Variants in PDK1 observed in about 807,000 individuals in gnomAD.
The protein encoded by PDK1 is [Pyruvate dehydrogenase (acetyl-transferring)] kinase isozyme 1, mitochondrial.
In PDK1, 39 loss-of-function variants were observed where a neutral mutation model predicts 54.2. That is an observed-to-expected ratio of 0.72 (90% confidence interval 0.56 to 0.94). The LOEUF (loss-of-function observed/expected upper bound fraction) is 0.94, where lower values mean the gene tolerates loss of function less well. Among genes scored for constraint, PDK1 ranks in the 40% least tolerant of loss-of-function variants. The probability of loss-of-function intolerance (pLI) is 0.00; values close to 1 mark genes in which losing one functional copy is unlikely to be tolerated. For synonymous variants in PDK1, 221 were observed against 207.1 expected, an observed-to-expected ratio of 1.07 and a Z score of -0.58; for missense variants, 552 against 566.0, an observed-to-expected ratio of 0.98 and a Z score of 0.25.
the PDK1 span, among the ~76,000 whole-genome samples, chr2:172,659,344 C>T: frequency 2.6e-5 from 4 of 152,190 alleles, no homozygotes; most frequent in Non-Finnish European, 5.9e-5. Context: ...TACCCTAGCC[C>T]AAGGCCCTTT....
intron 8 of PDK1, among the ~76,000 whole-genome samples, chr2:172,571,468 A>G (rs180918418): frequency 1.1e-4 from 16 of 152,282 alleles, no homozygotes; most frequent in East Asian, 5.8e-4. Flanking sequence ...GGCTCAAGCA[A>G]TCCTCCTCCC....
chr2:172,665,644 T>C, the PDK1 span, among the ~76,000 whole-genome samples: 1 of 152,206 alleles, frequency 6.6e-6, no homozygotes, highest in Non-Finnish European at 1.5e-5. Context: ...GCAATTTGCC[T>C]ACCAGATTCC....
At chr2:172,691,196 C>T in the PDK1 span, 1 of 150,036 alleles carries the variant, frequency 6.7e-6, no homozygotes, top group African/African-American at 2.4e-5. Flanking sequence ...CTTTCTGCCC[C>T]CATATATGCA....
At chr2:172,610,179 T>A (rs1468022261), downstream of PDK1, among the ~76,000 whole-genome samples, 2 of 152,102 alleles carry the variant, frequency 1.3e-5, no homozygotes, top group South Asian at 4.1e-4. Flanking sequence ...ATCTAGTATA[T>A]CCTTTGCTGT....
At chr2:172,646,453 A>G in the PDK1 span, among the ~76,000 whole-genome samples, 1 of 152,108 alleles carries the variant, frequency 6.6e-6, no homozygotes, top group African/African-American at 2.4e-5. Context: ...GATGATACTC[A>G]AGAAAAGGAG....
the PDK1 span, among the ~76,000 whole-genome samples, chr2:172,687,470 G>C: frequency 1.3e-5 from 2 of 152,218 alleles, no homozygotes; most frequent in South Asian, 4.1e-4. Context: ...AATATTAGAA[G>C]AGGGAAGTTA....
At chr2:172,685,451 T>C in the PDK1 span, among the ~76,000 whole-genome samples, 19 of 152,340 alleles carry the variant, frequency 1.2e-4, no homozygotes, top group Admixed American at 3.9e-4. Flanking sequence ...CAAAGAAATA[T>C]CATTTGCTGA....
chr2:172,581,179 G>A (rs1328637071), intron 8 of PDK1, among the ~76,000 whole-genome samples: 5 of 152,052 alleles, frequency 3.3e-5, no homozygotes, highest in African/African-American at 7.2e-5. Context: ...TGCAAGCTCC[G>A]CCTCCCAGGT....
chr2:172,560,809 C>T (rs1221412796), intron 2 of PDK1, among the ~76,000 whole-genome samples: 1 of 152,138 alleles, frequency 6.6e-6, no homozygotes, highest in Non-Finnish European at 1.5e-5. Context: ...CTATATACAG[C>T]CTTCATTAAT....
At chr2:172,666,833 C>T in the PDK1 span, among the ~76,000 whole-genome samples, 1 of 152,132 alleles carries the variant, frequency 6.6e-6, no homozygotes, top group African/African-American at 2.4e-5. Flanking sequence ...GAGAGCTGAA[C>T]ATACTGATAC....
chr2:172,574,244 G>C (rs2149244178), intron 8 of PDK1, among the ~76,000 whole-genome samples: 1 of 152,282 alleles, frequency 6.6e-6, no homozygotes, highest in South Asian at 2.1e-4. Context: ...GCTCATAAAT[G>C]TATGGGATTT....
chr2:172,694,991 A>C, the PDK1 span, among the ~76,000 whole-genome samples: 1 of 152,042 alleles, frequency 6.6e-6, no homozygotes, highest in Non-Finnish European at 1.5e-5. Flanking sequence ...TGTGGTGTGC[A>C]TCTGTAGTCC....
rs1203045319 is a variant in PDK1, at chr2:172,597,442, A to G, written c.*1473A>G. On this transcript the variant is annotated 3_prime_UTR_variant, in exon 11 of 11. Transcript: ENST00000282077. ...TCTTGACAAACAACATATATTTTCT[A>G]AAACTATCCAGATTTCATTATCAGG... 6.6e-6 allele frequency: 1 copy of G among 152,236 alleles called. No homozygotes were observed. Among genetic ancestry groups the G allele is most frequent in the Non-Finnish European group, 1.5e-5 (1 of 68,038 alleles). 9.4% of individuals were successfully genotyped at this position (152,236 alleles called of 1,614,324 possible).
At chr2:172,560,566 T>C (rs548716220) in intron 2 of PDK1, among the ~76,000 whole-genome samples, 50 of 152,210 alleles carry the variant, frequency 3.3e-4, no homozygotes, top group Admixed American at 1.5e-3. Context: ...CAAACCCCCA[T>C]TTGTCCATCT....
chr2:172,671,452 G>C, the PDK1 span, among the ~76,000 whole-genome samples: 1 of 148,788 alleles, frequency 6.7e-6, no homozygotes, highest in Non-Finnish European at 1.5e-5. Context: ...GAATGTATCT[G>C]TAAGTTAATG....
At position 172,556,303 on chromosome 2, in the gene PDK1, C is replaced by T. The variant is rs1688317480; in HGVS notation, c.153C>T (p.Arg51=). Residue 51 remains arginine (R), a synonymous_variant, in exon 1 of 11, where the codon CGC becomes CGT. Transcript: ENST00000282077. Reference sequence around the variant, plus strand: ...CGGGCCAGGTGGACTTCTACGCGCGCTTCTCGCCGTCCCCGCTCTCCATGA... The same window carrying T: ...CGGGCCAGGTGGACTTCTACGCGCGTTTCTCGCCGTCCCCGCTCTCCATGA... The part of the protein sequence containing the change: ...GVPGQVDFYA[R]FSPSPLSMKQ... The T allele has an allele frequency of 6.6e-7, 1 of 1,507,540 alleles. No homozygotes were observed. Among genetic ancestry groups the T allele is most frequent in the South Asian group, 1.3e-5 (1 of 78,636 alleles). The allele number at this position is 1,507,540 out of a possible 1,614,324, so 93.4% of individuals were successfully genotyped here.
At chr2:172,575,213 T>TG (rs1420040942) in intron 8 of PDK1, among the ~76,000 whole-genome samples, 14 of 152,334 alleles carry the variant, frequency 9.2e-5, no homozygotes, top group African/African-American at 2.9e-4. Flanking sequence ...GTCTCAATTT[T>TG]TTTATGGTTT....
the PDK1 span, among the ~76,000 whole-genome samples, chr2:172,692,132 G>T: frequency 6.6e-6 from 1 of 152,190 alleles, no homozygotes; most frequent in Non-Finnish European, 1.5e-5. Context: ...AACCTTTGGT[G>T]CAGTGGAGAG....
At chr2:172,559,105 C>T (rs145546391) in intron 2 of PDK1, among the ~76,000 whole-genome samples, 1,524 of 152,038 alleles carry the variant, frequency 0.01, 16 homozygotes, top group Non-Finnish European at 0.016. Flanking sequence ...CGTGCCACCA[C>T]GCCCAGCTAA....
Sources: allele counts gnomAD v4.1 joint callset (sites outside exome capture counted in the v4.1 genomes callset), GRCh38; gene constraint gnomAD v4.1.1; transcripts MANE v1.5; gene names NCBI Gene and HGNC (gene_info 2026-07-23, HGNC 2026-07-21).